LIMS1: variants seen among roughly 807,000 people sequenced by gnomAD.
The protein encoded by LIMS1 is LIM zinc finger domain containing 1.
A neutral mutation model predicts 44.1 loss-of-function variants in LIMS1; 18 were observed. The observed-to-expected ratio is 0.41, with a 90% CI of 0.28 to 0.61. The LOEUF is 0.61. Among genes scored for constraint, LIMS1 ranks in the 20% least tolerant of loss-of-function variants. The pLI is 0.32. For missense variants in LIMS1, 201 were observed against 422.0 expected, an observed-to-expected ratio of 0.48 and a Z score of 4.59; for synonymous variants, 93 against 149.1, an observed-to-expected ratio of 0.62 and a Z score of 2.74.
intron 1 of LIMS1, among the ~76,000 whole-genome samples, chr2:108,538,534 C>T (rs925023559): frequency 6.6e-6 from 1 of 152,166 alleles, no homozygotes; most frequent in African/African-American, 2.4e-5. Context: ...GACTCAGCAT[C>T]AGCACACCAG....
intron 1 of LIMS1, among the ~76,000 whole-genome samples, chr2:108,608,307 C>CT (rs113575713): frequency 0.023 from 3,288 of 140,710 alleles, 49 homozygotes; most frequent in Non-Finnish European, 0.027. Flanking sequence ...TTTTCACTCA[C>CT]TTTTTTTTTT....
At chr2:108,535,560 T>C (rs142577279) in intron 1 of LIMS1, among the ~76,000 whole-genome samples, 4 of 152,382 alleles carry the variant, frequency 2.6e-5, no homozygotes, top group East Asian at 1.9e-4. Flanking sequence ...TTGGAAGATA[T>C]TGGCTCACTG....
intron 1 of LIMS1, among the ~76,000 whole-genome samples, chr2:108,603,985 A>G (rs1300015058): frequency 6.6e-6 from 1 of 152,048 alleles, no homozygotes; most frequent in African/African-American, 2.4e-5. Context: ...AAACCTCCCT[A>G]TTAGTACTGC....
At chr2:108,663,687 A>T (rs1691530049) in intron 2 of LIMS1, among the ~76,000 whole-genome samples, 1 of 152,148 alleles carries the variant, frequency 6.6e-6, no homozygotes, top group Non-Finnish European at 1.5e-5. Flanking sequence ...GGATTTCACA[A>T]ATGTGTCCCT....
At chr2:108,606,003 C>T (rs539936422) in intron 1 of LIMS1, among the ~76,000 whole-genome samples, 3 of 152,320 alleles carry the variant, frequency 2.0e-5, no homozygotes, top group Non-Finnish European at 4.4e-5. Flanking sequence ...CAGCGTGGCC[C>T]TCGGGCCCAA....
At chr2:108,616,867 G>A (rs1256345059) in intron 1 of LIMS1, among the ~76,000 whole-genome samples, 1 of 152,108 alleles carries the variant, frequency 6.6e-6, no homozygotes, top group East Asian at 1.9e-4. Context: ...GCAAATAAAT[G>A]TTTGCCAGAT....
At chr2:108,622,963 A>G (rs1573475020) in intron 1 of LIMS1, among the ~76,000 whole-genome samples, 1 of 145,850 alleles carries the variant, frequency 6.9e-6, no homozygotes, top group African/African-American at 2.6e-5. Flanking sequence ...ATGCTCTTTC[A>G]AACAACTAGA....
chr2:108,569,342 A>G (rs899068364), intron 1 of LIMS1, among the ~76,000 whole-genome samples: 1 of 152,104 alleles, frequency 6.6e-6, no homozygotes, highest in African/African-American at 2.4e-5. Flanking sequence ...AAAGTTTGAT[A>G]TAGTTCCATT....
At chr2:108,578,587 ATTTTTTTTT>A in intron 1 of LIMS1, among the ~76,000 whole-genome samples, 1 of 100,792 alleles carries the variant, frequency 9.9e-6, no homozygotes. Flanking sequence ...AATGTAAATA[ATTTTTTTTT>A]TTTTTTTTTT....
At chr2:108,605,514 T>C (rs1687224796) in intron 1 of LIMS1, among the ~76,000 whole-genome samples, 1 of 152,224 alleles carries the variant, frequency 6.6e-6, no homozygotes. Flanking sequence ...ATTTTGAAAC[T>C]TACTGAAATT....
intron 1 of LIMS1, among the ~76,000 whole-genome samples, chr2:108,552,613 T>TGC (rs57721236): frequency 1.1e-4 from 17 of 148,594 alleles, no homozygotes; most frequent in Admixed American, 6.8e-4. Context: ...TGTGTGTGTG[T>TGC]TTTTGGAGAC....
intron 1 of LIMS1, among the ~76,000 whole-genome samples, chr2:108,645,700 A>G (rs1690012547): frequency 6.6e-6 from 1 of 152,170 alleles, no homozygotes. Flanking sequence ...CAGACTGGCA[A>G]ATTGGATGAA....
rs1318212214 is a variant in LIMS1, at chr2:108,670,762, G to A, written c.193-19G>A. On this transcript the variant is annotated intron_variant, in intron 2 of 9. Transcript: ENST00000544547. ...GTGATTGTTTCGTGTTTGTAAGTTGGTGGTACCCTCTCTTTCAGTTTGAAG... is the reference window on the plus strand; with the variant it reads ...GTGATTGTTTCGTGTTTGTAAGTTGATGGTACCCTCTCTTTCAGTTTGAAG... 7 of 1,611,880 alleles carry A rather than the reference G, an allele frequency of 4.3e-6. No individual in the cohort carries two copies. The highest frequency in any genetic ancestry group is 3.3e-5 in the Admixed American group (2 of 59,988).
At chr2:108,659,262 CT>C (rs1691151099) in intron 1 of LIMS1, 1 of 533,328 alleles carries the variant, frequency 1.9e-6, no homozygotes, top group South Asian at 8.9e-5. Context: ...ACTTATTAAG[CT>C]ATAAACCCAA....
At chr2:108,548,303 A>G (rs1423740756) in intron 1 of LIMS1, among the ~76,000 whole-genome samples, 1 of 150,648 alleles carries the variant, frequency 6.6e-6, no homozygotes, top group Non-Finnish European at 1.5e-5. Context: ...TTTTTTTTTC[A>G]ATGCTGGCTA....
At chr2:108,634,537 G>A (rs1201846563) in intron 1 of LIMS1, among the ~76,000 whole-genome samples, 2 of 152,160 alleles carry the variant, frequency 1.3e-5, no homozygotes, top group African/African-American at 2.4e-5. Flanking sequence ...CCCTCCCAAG[G>A]CTGGCTTTCA....
chr2:108,559,571 G>A (rs1685043541), intron 1 of LIMS1, among the ~76,000 whole-genome samples: 6 of 152,138 alleles, frequency 3.9e-5, no homozygotes, highest in African/African-American at 1.4e-4. Context: ...GAAGAAGCAT[G>A]ATAAAAATCT....
At chr2:108,541,811 C>G (rs1684326580) in intron 1 of LIMS1, among the ~76,000 whole-genome samples, 1 of 152,188 alleles carries the variant, frequency 6.6e-6, no homozygotes, top group Non-Finnish European at 1.5e-5. Context: ...CATAAAATAA[C>G]GAATTCCTGG....
At chr2:108,596,915 G>GTTTTTTTTTTTTTTTTTTTT (rs34313967) in intron 1 of LIMS1, among the ~76,000 whole-genome samples, 2 of 68,476 alleles carry the variant, frequency 2.9e-5, no homozygotes, top group African/African-American at 1.1e-4. Flanking sequence ...CGAAACATCT[G>GTTTTTTTTTTTTTTTTTTTT]TTTTTTTTTT....
Sources: gnomAD v4.1 joint callset for allele counts (sites outside exome capture counted in the v4.1 genomes callset) on GRCh38, gnomAD v4.1.1 for gene constraint, MANE v1.5 for transcripts, NCBI Gene and HGNC (gene_info 2026-07-23, HGNC 2026-07-21) for gene names.